Variants in GRM1 observed in about 807,000 individuals in gnomAD.
GRM1 encodes glutamate metabotropic receptor 1.
In GRM1, 33 loss-of-function variants were observed where a neutral mutation model predicts 90.9. That is an observed-to-expected ratio of 0.36 (90% CI 0.28 to 0.49). The LOEUF is 0.49. GRM1 is among the 20% of genes least tolerant of loss of function. GRM1 has a pLI of 0.99. For missense variants in GRM1, 1,190 were observed against 1,534.3 expected (o/e 0.78, Z 3.75); for synonymous variants, 700 against 613.2 (o/e 1.14, Z -2.09).
chr6:146,083,108 G>T (rs1776419513), intron 1 of GRM1, among the ~76,000 whole-genome samples: 1 of 152,146 alleles, frequency 6.6e-6, no homozygotes, highest in South Asian at 2.1e-4. Flanking sequence ...CTTTGCTGAA[G>T]TTGCTTATCA....
At chr6:146,323,090 G>A (rs984380100) in intron 3 of GRM1, among the ~76,000 whole-genome samples, 1 of 152,152 alleles carries the variant, frequency 6.6e-6, no homozygotes. Flanking sequence ...ATAGCAGCAT[G>A]ATTTATAGTC....
chr6:146,045,022 C>T (rs1315184525), intron 1 of GRM1, among the ~76,000 whole-genome samples: 3 of 151,868 alleles, frequency 2.0e-5, no homozygotes, highest in Non-Finnish European at 2.9e-5. Context: ...CTGCTGATTT[C>T]TGGACCGCAA....
At chr6:146,224,668 T>C (rs893808587) in intron 2 of GRM1, among the ~76,000 whole-genome samples, 1 of 152,162 alleles carries the variant, frequency 6.6e-6, no homozygotes, top group Non-Finnish European at 1.5e-5. Flanking sequence ...CTTTGTATTT[T>C]GAGTAAGATG....
At chr6:146,184,859 T>C (rs1778673129) in intron 2 of GRM1, among the ~76,000 whole-genome samples, 1 of 152,194 alleles carries the variant, frequency 6.6e-6, no homozygotes, top group Non-Finnish European at 1.5e-5. Context: ...AGTATTTCCC[T>C]TAAAAATGTT....
At chr6:146,243,251 T>G (rs1243409285) in intron 2 of GRM1, among the ~76,000 whole-genome samples, 1 of 152,132 alleles carries the variant, frequency 6.6e-6, no homozygotes, top group Non-Finnish European at 1.5e-5. Flanking sequence ...TTAAAGATGC[T>G]CTAAATAGGG....
intron 5 of GRM1, among the ~76,000 whole-genome samples, chr6:146,382,335 AAAAC>A (rs1319020523): frequency 2.6e-5 from 4 of 151,774 alleles, no homozygotes; most frequent in Admixed American, 6.6e-5. Context: ...AAAAAAAAAA[AAAAC>A]AACTTGTCTG....
intron 1 of GRM1, among the ~76,000 whole-genome samples, chr6:146,115,743 G>C (rs1775719093): frequency 6.6e-6 from 1 of 152,096 alleles, no homozygotes; most frequent in Admixed American, 6.6e-5. Flanking sequence ...TATTAGAAAA[G>C]CTATTGATTT....
intron 1 of GRM1, among the ~76,000 whole-genome samples, chr6:146,092,285 T>G (rs1776740243): frequency 6.6e-6 from 1 of 152,000 alleles, no homozygotes; most frequent in Non-Finnish European, 1.5e-5. Flanking sequence ...AGGACACTAA[T>G]TCCATGAAAG....
At chr6:146,359,952 G>C (rs980074540) in intron 5 of GRM1, among the ~76,000 whole-genome samples, 1 of 151,326 alleles carries the variant, frequency 6.6e-6, no homozygotes, top group African/African-American at 2.4e-5. Context: ...TGTTTGTTTT[G>C]TTTCTCATAA....
At chr6:146,051,722 A>G (rs1775299006) in intron 1 of GRM1, among the ~76,000 whole-genome samples, 2 of 152,072 alleles carry the variant, frequency 1.3e-5, no homozygotes, top group Admixed American at 1.3e-4. Flanking sequence ...GGTTATTCCT[A>G]TTTCATAATT....
chr6:146,294,750 T>G (rs975920311), intron 2 of GRM1, among the ~76,000 whole-genome samples: 3 of 152,178 alleles, frequency 2.0e-5, no homozygotes, highest in Non-Finnish European at 4.4e-5. Context: ...TGTACAAATT[T>G]CAAATTATTT....
chr6:146,399,735 T>C lies in GRM1; in HGVS notation c.2660+36T>C. 1 of 1,375,528 alleles carries C rather than the reference T, an allele frequency of 7.3e-7. No individual in the cohort carries two copies. Among genetic ancestry groups the C allele is most frequent in the Non-Finnish European group, 1.0e-6 (1 of 985,466 alleles). 85.2% of individuals were successfully genotyped at this position (1,375,528 alleles called of 1,614,324 possible). A position where few individuals can be genotyped will look rare whatever the true frequency, so the allele number is the denominator to read the frequency against. On this transcript the variant is annotated intron_variant, in intron 7 of 7. Coordinates refer to ENST00000282753, the MANE Select transcript of GRM1 (RefSeq NM_001278064.2). This position sits in a 1 kb window ranked among gnomAD's most constrained non-coding sequence, Gnocchi z 5.4. ...TGACCTGTTTGTCTCTCTTTTCTCT[T>C]CCTTTCTCTGTCTCTTTCTCTCTCT... is the stretch of plus-strand genomic sequence containing the variant.
intron 2 of GRM1, among the ~76,000 whole-genome samples, chr6:146,198,062 A>G (rs376379731): frequency 1.3e-5 from 2 of 152,352 alleles, no homozygotes; most frequent in South Asian, 4.1e-4. Context: ...GCATATTTCT[A>G]TTACCTTGAT....
At chr6:146,338,175 A>G (rs1197209424) in intron 3 of GRM1, among the ~76,000 whole-genome samples, 1 of 152,264 alleles carries the variant, frequency 6.6e-6, no homozygotes, top group Non-Finnish European at 1.5e-5. Context: ...CAGGTCAAAT[A>G]TTAGATAAAT....
At chr6:146,302,640 C>T (rs1013871725) in intron 2 of GRM1, among the ~76,000 whole-genome samples, 2 of 151,666 alleles carry the variant, frequency 1.3e-5, no homozygotes, top group African/African-American at 4.9e-5. Flanking sequence ...ATCTACCTCC[C>T]TTGGCCTCCC....
At chr6:146,093,357 G>A (rs1251513797) in intron 1 of GRM1, among the ~76,000 whole-genome samples, 1 of 152,066 alleles carries the variant, frequency 6.6e-6, no homozygotes, top group Non-Finnish European at 1.5e-5. Context: ...TCTTGGCTGT[G>A]CATGCAGTTA....
intron 2 of GRM1, among the ~76,000 whole-genome samples, chr6:146,187,386 A>C (rs1004236102): frequency 6.6e-6 from 1 of 152,148 alleles, no homozygotes; most frequent in South Asian, 2.1e-4. Context: ...TTGTTTTCCA[A>C]ATGAGGACAT....
At chr6:146,363,673 A>G (rs1169278486) in intron 5 of GRM1, among the ~76,000 whole-genome samples, 3 of 152,214 alleles carry the variant, frequency 2.0e-5, no homozygotes, top group Non-Finnish European at 4.4e-5. Context: ...TTATACAGAA[A>G]CAGCTACATA....
chr6:146,169,614 C>A (rs1441810959), intron 2 of GRM1, among the ~76,000 whole-genome samples: 2 of 152,194 alleles, frequency 1.3e-5, no homozygotes, highest in Admixed American at 6.5e-5. Context: ...CCTGCTTCAA[C>A]CTTCCCAAAC....
Sources: gnomAD v4.1 joint callset for allele counts (sites outside exome capture counted in the v4.1 genomes callset) on GRCh38, gnomAD v4.1.1 for gene constraint, Gnocchi (gnomAD v3.1) non-coding constraint, MANE v1.5 for transcripts, NCBI Gene and HGNC (gene_info 2026-07-23, HGNC 2026-07-21) for gene names.